FAP: variants seen among roughly 807,000 people sequenced by gnomAD.
The protein encoded by FAP is prolyl endopeptidase FAP.
A neutral mutation model predicts 126.5 loss-of-function variants in FAP; 110 were observed. The ratio of observed to expected loss-of-function variants is 0.87; its 90% CI spans 0.74 to 1.02. The LOEUF is 1.02. Among genes scored for constraint, FAP ranks in the 50% least tolerant of loss-of-function variants. The pLI, the probability that FAP is intolerant of heterozygous loss-of-function variation, is 0.00. For synonymous variants in FAP, 334 were observed against 297.3 expected (o/e 1.12, Z -1.27); for missense variants, 919 against 909.2 (o/e 1.01, Z -0.14).
chr2:162,238,833 ATAC>A, intron 2 of FAP, among the ~76,000 whole-genome samples: 1 of 152,212 alleles, frequency 6.6e-6, no homozygotes, highest in Non-Finnish European at 1.5e-5. Context: ...CTAATTAGTA[ATAC>A]TAATAATAAC....
At chr2:162,179,580 C>G (rs1321385438) in intron 21 of FAP, among the ~76,000 whole-genome samples, 2 of 151,938 alleles carry the variant, frequency 1.3e-5, no homozygotes, top group African/African-American at 4.8e-5. Flanking sequence ...ATGGTAATTC[C>G]TATAAGAGAA....
Position 162,187,560 on chromosome 2 carries a change from T to C in FAP, c.1814+609A>G, listed in dbSNP as rs372307210. On this transcript the variant is annotated intron_variant, in intron 20 of 25. Transcript: ENST00000188790. ...GAAAAGATGATTGAACCATAAATCA[T>C]GGTTGAAAATATATATAGTTGAGAA... 5.9e-5 allele frequency among the ~76,000 whole-genome samples: 9 copies of C among 152,228 alleles called. 1 individual carries two copies. The highest frequency in any genetic ancestry group is 2.2e-4 in the African/African-American group (9 of 41,556).
intron 2 of FAP, among the ~76,000 whole-genome samples, chr2:162,236,592 T>A (rs1690141796): frequency 6.7e-6 from 1 of 149,970 alleles, no homozygotes; most frequent in Non-Finnish European, 1.5e-5. Context: ...ATTTCATTTG[T>A]TATCTGATTT....
intron 21 of FAP, chr2:162,175,805 G>A (rs1687463505): frequency 6.6e-6 from 1 of 152,096 alleles, no homozygotes; most frequent in South Asian, 2.1e-4. Flanking sequence ...AATGAACAGG[G>A]CATCCAAATA....
intron 16 of FAP, 179 bp from the exon 17 acceptor site, chr2:162,194,927 A>G: frequency 6.5e-6 from 4 of 613,588 alleles, no homozygotes; most frequent in South Asian, 5.7e-5. Flanking sequence ...TAAACAATAC[A>G]TGAGATCAAA....
chr2:162,177,054 A>G (rs1576132084), intron 21 of FAP, among the ~76,000 whole-genome samples: 1 of 152,114 alleles, frequency 6.6e-6, no homozygotes, highest in African/African-American at 2.4e-5. Flanking sequence ...AGGGGGAAAA[A>G]AGAAAACCCG....
At chr2:162,216,995 G>C (rs1385066452) in intron 9 of FAP, among the ~76,000 whole-genome samples, 3 of 152,224 alleles carry the variant, frequency 2.0e-5, no homozygotes, top group South Asian at 4.1e-4. Context: ...AAAGATCTGA[G>C]TTCTTTTACA....
At chr2:162,191,545 A>C (rs766666102) in intron 17 of FAP, among the ~76,000 whole-genome samples, 10 of 152,084 alleles carry the variant, frequency 6.6e-5, no homozygotes, top group Non-Finnish European at 1.3e-4. Context: ...CACACACAGC[A>C]CCTAGTATCT....
intron 3 of FAP, among the ~76,000 whole-genome samples, 197 bp downstream of exon 3, chr2:162,226,326 C>T (rs968514237): frequency 1.3e-5 from 2 of 152,058 alleles, no homozygotes; most frequent in African/African-American, 4.8e-5. Context: ...CTCTATTGGC[C>T]TCATTACTAT....
intron 12 of FAP, 164 bp downstream of exon 12, chr2:162,209,788 C>A: frequency 1.7e-6 from 1 of 572,238 alleles, no homozygotes; most frequent in Non-Finnish European, 3.1e-6. Flanking sequence ...TGAAATTGTC[C>A]GGCACAAAAT....
At chr2:162,202,495 T>C (rs1688535304) in intron 14 of FAP, among the ~76,000 whole-genome samples, 1 of 152,258 alleles carries the variant, frequency 6.6e-6, no homozygotes, top group African/African-American at 2.4e-5. Context: ...GTTAAACTTA[T>C]ATAACAATGA....
Position 162,198,840 on chromosome 2 carries a change from G to T in FAP, c.1319C>A (p.Thr440Asn). Residue 440 changes from threonine (T) to asparagine (N), a missense_variant, in exon 16 of 26, where the codon ACT (threonine) becomes AAT (asparagine). Coordinates refer to ENST00000188790, the MANE Select transcript of FAP (RefSeq NM_004460.5). ...GCACCTTTCTTTCCTTAGATGGCAA[G>T]TAACACACTTCTTGCTTGGAGGATA... ...GSYPPSKKCV[T>N]CHLRKERCQY... The T allele has an allele frequency of 6.2e-7, 1 of 1,613,738 alleles. No homozygotes were observed. Among genetic ancestry groups the T allele is most frequent in the Non-Finnish European group, 8.5e-7 (1 of 1,179,672 alleles).
At chr2:162,219,305 T>A in intron 7 of FAP, 122 bp from the exon 8 acceptor site, 1 of 915,016 alleles carries the variant, frequency 1.1e-6, no homozygotes, top group Non-Finnish European at 1.6e-6. Flanking sequence ...GATTCACAAC[T>A]AAAATACCAT....
chr2:162,220,705 T>C (rs1689352097), intron 6 of FAP, among the ~76,000 whole-genome samples: 1 of 152,238 alleles, frequency 6.6e-6, no homozygotes, highest in Non-Finnish European at 1.5e-5. Context: ...TTAGAGTCAC[T>C]CTGCAAGCAC....
chr2:162,187,834 G>A (rs1687910600), intron 20 of FAP, among the ~76,000 whole-genome samples: 1 of 151,968 alleles, frequency 6.6e-6, no homozygotes, highest in Non-Finnish European at 1.5e-5. Flanking sequence ...TCAGATATTT[G>A]TTTTCCTGAA....
intron 12 of FAP, among the ~76,000 whole-genome samples, chr2:162,207,355 A>T (rs1345169325): frequency 1.3e-5 from 2 of 152,252 alleles, no homozygotes; most frequent in African/African-American, 4.8e-5. Context: ...TCTGGAATTT[A>T]GAAGTTTTAC....
chr2:162,172,076 A>G (rs1035559257), intron 25 of FAP: 2 of 151,776 alleles, frequency 1.3e-5, no homozygotes, highest in African/African-American at 4.8e-5. Flanking sequence ...TTTCTTTCCC[A>G]GTCAGTACAT....
chr2:162,198,565 C>T, intron 16 of FAP, 192 bp downstream of exon 16: 1 of 802,872 alleles, frequency 1.2e-6, no homozygotes, highest in Non-Finnish European at 1.9e-6. Flanking sequence ...AACTCTGTTT[C>T]CTCAGTTGCA....
At chr2:162,199,362 G>C (rs1559773116) in intron 15 of FAP, among the ~76,000 whole-genome samples, 1 of 152,180 alleles carries the variant, frequency 6.6e-6, no homozygotes, top group African/African-American at 2.4e-5. Context: ...AGAAATTACA[G>C]TTCTAAGTGC....
Sources: allele counts gnomAD v4.1 joint callset (sites outside exome capture counted in the v4.1 genomes callset), GRCh38; gene constraint gnomAD v4.1.1; transcripts MANE v1.5; gene names NCBI Gene and HGNC (gene_info 2026-07-23, HGNC 2026-07-21).